Variants in ZNF197 observed in about 807,000 individuals in gnomAD.
ZNF197 encodes VHL-associated KRAB-A domain-containing protein.
ZNF197 carries 14 observed loss-of-function variants against 27.4 expected under a neutral mutation model. That is an observed-to-expected ratio of 0.51 (90% CI 0.34 to 0.80). ZNF197 has a LOEUF of 0.80. ZNF197 is among the 30% of genes least tolerant of loss of function. ZNF197 has a pLI of 0.02. For missense variants in ZNF197, 1,090 were observed against 1,222.6 expected (o/e 0.89, Z 1.62); for synonymous variants, 415 against 420.0 (o/e 0.99, Z 0.15).
chr3:44,643,958 G>A lies in ZNF197; in HGVS notation c.2828G>A (p.Arg943Lys). 1 of 1,614,074 alleles carries A rather than the reference G, an allele frequency of 6.2e-7. No individual in the cohort carries two copies. The highest frequency in any genetic ancestry group is 8.5e-7 in the Non-Finnish European group (1 of 1,180,002). The change falls in exon 6 of 6, where the codon AGG becomes AAG. Residue 943 changes from arginine (R) to lysine (K), a missense_variant. Arg to Lys is a conservative substitution (Grantham distance 26, BLOSUM62 2). Coordinates refer to ENST00000344387, the MANE Select transcript of ZNF197 (RefSeq NM_006991.5). ...TGTAGGAAATCCTTTACTTCTAAGA[G>A]GAATTTAGTTGGCCACCAGAGAATT... ...DKCRKSFTSK[R>K]NLVGHQRIHT...
rs1702947632 is a variant in ZNF197 at position 44,646,212 on chromosome 3, TAAAC to T, written c.*1994_*1997del. ...TTGGAGCCTTGAATTCCTCATCTGT[TAAAC>T]AGGAGGAAGAATATCTACCTCACAA... is the stretch of plus-strand genomic sequence containing the variant. On this transcript the variant is annotated 3_prime_UTR_variant, in exon 6 of 6. Transcript: ENST00000344387. 9 of 978,868 alleles carry T rather than the reference TAAAC, an allele frequency of 9.2e-6. No homozygotes were observed. Among genetic ancestry groups the T allele is most frequent in the Non-Finnish European group, 9.7e-6 (8 of 824,094 alleles). 60.6% of individuals were successfully genotyped at this position (978,868 alleles called of 1,614,324 possible). A position where few individuals can be genotyped will look rare whatever the true frequency, so the allele number is the denominator to read the frequency against.
chr3:44,643,798 A>G lies in ZNF197; in HGVS notation c.2668A>G (p.Met890Val), dbSNP rs1354503753. The change falls in exon 6 of 6, where the codon ATG becomes GTG. Residue 890 changes from methionine (M) to valine (V), a missense_variant. Coordinates refer to ENST00000344387, the MANE Select transcript of ZNF197 (RefSeq NM_006991.5). ...AGTCCTTACCTCTAGTAGAAATCTT[A>G]TGGTACATCAAAGAATCCATACTGG... ...RKVLTSSRNL[M>V]VHQRIHTGEK... 1 of 1,613,884 alleles carries G rather than the reference A, an allele frequency of 6.2e-7. No individual in the cohort carries two copies. Among genetic ancestry groups the G allele is most frequent in the Non-Finnish European group, 8.5e-7 (1 of 1,180,038 alleles).
In ZNF197 at chr3:44,642,395, G is replaced by A. The variant is rs1559473321; in HGVS notation, c.1265G>A (p.Gly422Glu). ...SLLMHLRNHS[G>E]EKPYKCNECG... ...CTAATGCATTTACGGAACCATTCAG[G>A]GGAGAAACCTTATAAATGTAATGAA... Residue 422 changes from glycine to glutamate, a missense_variant, in exon 6 of 6, where the codon GGG becomes GAG. Physicochemically the swap from Gly to Glu is moderately conservative, Grantham distance 98. Transcript: ENST00000344387. 6.2e-7 allele frequency: 1 copy of A among 1,614,084 alleles called. No homozygotes were observed. The highest frequency in any genetic ancestry group is 8.5e-7 in the Non-Finnish European group (1 of 1,180,008).
intron 1 of ZNF197, among the ~76,000 whole-genome samples, chr3:44,627,716 A>G (rs1397052300): frequency 6.6e-6 from 1 of 151,870 alleles, no homozygotes; most frequent in African/African-American, 2.4e-5. Context: ...CTGTAGTACC[A>G]GCTGCCTGGA....
chr3:44,644,807 C>T lies in ZNF197; in HGVS notation c.*587C>T, dbSNP rs901212586. 5.1e-6 allele frequency: 5 copies of T among 982,358 alleles called. No individual in the cohort carries two copies. The African/African-American group carries it at 8.8e-5, about 17-fold the overall frequency. The allele number at this position is 982,358 out of a possible 1,614,324, so 60.9% of individuals were successfully genotyped here. A position where few individuals can be genotyped will look rare whatever the true frequency, so the allele number is the denominator to read the frequency against. On this transcript the variant is annotated 3_prime_UTR_variant, in exon 6 of 6. Transcript: ENST00000344387. ...GGCCGAGGTGGGAAGATCCCTTGAG[C>T]CCAGGAGTTCGAGACAAGCCTGGGT... is the stretch of plus-strand genomic sequence containing the variant.
chr3:44,642,848 A>G lies in ZNF197; in HGVS notation c.1718A>G (p.Lys573Arg), dbSNP rs1412055594. The change falls in exon 6 of 6, where the codon AAA becomes AGA. Residue 573 changes from lysine (K) to arginine (R), a missense_variant. Transcript: ENST00000344387. ...ENPYKCKECG[K>R]VFIRSKSLLL... Reference sequence around the variant, plus strand: ...CCTTACAAGTGTAAAGAATGTGGAAAAGTTTTCATTCGAAGCAAAAGCCTC... The same window carrying G: ...CCTTACAAGTGTAAAGAATGTGGAAGAGTTTTCATTCGAAGCAAAAGCCTC... The G allele has an allele frequency of 1.9e-6, 3 of 1,614,140 alleles. No homozygotes were observed. Among genetic ancestry groups the G allele is most frequent in the East Asian group, 2.2e-5 (1 of 44,876 alleles).
intron 5 of ZNF197, among the ~76,000 whole-genome samples, chr3:44,635,268 AT>A (rs1678664195): frequency 6.6e-6 from 1 of 152,086 alleles, no homozygotes; most frequent in South Asian, 2.1e-4. Flanking sequence ...TAAAAAAAAA[AT>A]GTGCACTCCG....
intron 5 of ZNF197, among the ~76,000 whole-genome samples, chr3:44,633,049 G>C (rs368934160): frequency 6.6e-6 from 1 of 152,044 alleles, no homozygotes; most frequent in African/African-American, 2.4e-5. Flanking sequence ...CTGGGCATAA[G>C]TGTTTGAATG....
chr3:44,629,647 C>G (rs760708660), intron 2 of ZNF197, 103 bp downstream of exon 2: 8 of 1,360,270 alleles, frequency 5.9e-6, no homozygotes, highest in Non-Finnish European at 7.8e-6. Context: ...AAATTAATAG[C>G]ATTAATAGCA....
In ZNF197 at chr3:44,640,447, G is replaced by A. The variant is rs184675489; in HGVS notation, c.770-1453G>A. Among the ~76,000 whole-genome samples, 7 of 151,820 alleles carry A rather than the reference G, an allele frequency of 4.6e-5. No homozygotes were observed. The East Asian group carries it at 7.8e-4, about 17-fold the overall frequency. ...GGCTGGAATGCAGTGGTGTGATCTC[G>A]GCTCACTGCAACCTCTACCTCCCTG... On this transcript the variant is annotated intron_variant, in intron 5 of 5. Transcript: ENST00000344387. This position sits in a 1 kb window ranked among gnomAD's most constrained non-coding sequence, Gnocchi z 4.0.
chr3:44,632,810 T>C (rs1032556718), intron 5 of ZNF197, among the ~76,000 whole-genome samples: 1 of 151,896 alleles, frequency 6.6e-6, no homozygotes, highest in Non-Finnish European at 1.5e-5. Context: ...ATTTTTTACA[T>C]TGTTCCAAAG....
At chr3:44,637,981 A>G (rs1702394419) in intron 5 of ZNF197, among the ~76,000 whole-genome samples, 1 of 152,178 alleles carries the variant, frequency 6.6e-6, no homozygotes, top group Non-Finnish European at 1.5e-5. Flanking sequence ...CAGCTGGTCA[A>G]TATCTTTGAA....
rs906240922 is a variant in ZNF197 at position 44,642,101 on chromosome 3, T to C, written c.971T>C (p.Val324Ala). 1.6e-5 allele frequency: 26 copies of C among 1,613,892 alleles called. No individual in the cohort carries two copies. The highest frequency in any genetic ancestry group is 6.7e-5 in the African/African-American group (5 of 74,890). ...GAAAGGGCAGATACAGTGAAGAAAGTTTCCCTTTGTGAACGAGACAAGAAG... is the reference window on the plus strand; with the variant it reads ...GAAAGGGCAGATACAGTGAAGAAAGCTTCCCTTTGTGAACGAGACAAGAAG... ...TDERADTVKK[V>A]SLCERDKKKR... Residue 324 changes from valine to alanine, a missense_variant, in exon 6 of 6, where the codon GTT becomes GCT. Coordinates refer to ENST00000344387, the MANE Select transcript of ZNF197 (RefSeq NM_006991.5).
intron 1 of ZNF197, among the ~76,000 whole-genome samples, chr3:44,625,926 CG>C (rs1281436720): frequency 1.3e-5 from 2 of 152,116 alleles, no homozygotes; most frequent in Non-Finnish European, 2.9e-5. Flanking sequence ...TAAGTTTCTT[CG>C]TAGATGGAAT....
At chr3:44,631,440 G>A (rs1179636037) in intron 3 of ZNF197, among the ~76,000 whole-genome samples, 9 of 150,870 alleles carry the variant, frequency 6.0e-5, no homozygotes, top group East Asian at 5.8e-4. Flanking sequence ...TCGCTCTGTC[G>A]CCCAGGCTGG....
chr3:44,630,515 T>A (rs1042833840), intron 2 of ZNF197, among the ~76,000 whole-genome samples: 2 of 152,216 alleles, frequency 1.3e-5, no homozygotes, highest in Non-Finnish European at 2.9e-5. Flanking sequence ...TTTCTTTTAA[T>A]AATAACGTGA....
Position 44,644,238 on chromosome 3 carries a change from A to G in ZNF197, c.*18A>G, listed in dbSNP as rs1702819714. The G allele has an allele frequency of 1.3e-6, 2 of 1,557,180 alleles. No individual in the cohort carries two copies. The highest frequency in any genetic ancestry group is 4.5e-5 in the East Asian group (2 of 44,470). ...AAATCTAGTGTCATATGTAAAATGG[A>G]ATAGAATCCCTGCCTACTTAAGTAA... On this transcript the variant is annotated 3_prime_UTR_variant, in exon 6 of 6. Transcript: ENST00000344387.
At chr3:44,639,754 A>T (rs1054436804) in intron 5 of ZNF197, among the ~76,000 whole-genome samples, 4 of 152,062 alleles carry the variant, frequency 2.6e-5, no homozygotes, top group African/African-American at 9.7e-5. Context: ...AAGAAGAGCA[A>T]TTCAGGAAGA....
rs554812470 is a variant in ZNF197 at position 44,634,959 on chromosome 3, C to A, written c.769+2360C>A. ...ACCCCAGCCTCCCAAGTAGCTGAGA[C>A]TCTAGGCATGCACCACCCTCCAAGC... On this transcript the variant is annotated intron_variant, in intron 5 of 5. Transcript: ENST00000344387. Among the ~76,000 whole-genome samples, 4 of 152,200 alleles carry A rather than the reference C, an allele frequency of 2.6e-5. No individual in the cohort carries two copies. In the East Asian group the frequency reaches 7.7e-4, roughly 29 times the overall value.
Sources: gnomAD v4.1 joint callset for allele counts (sites outside exome capture counted in the v4.1 genomes callset) on GRCh38, gnomAD v4.1.1 for gene constraint, Gnocchi (gnomAD v3.1) non-coding constraint, MANE v1.5 for transcripts, NCBI Gene and HGNC (gene_info 2026-07-23, HGNC 2026-07-21) for gene names.